The following CNGB3 variants were observed in gnomAD, a reference collection of about 807,000 sequenced individuals.
CNGB3 encodes cyclic nucleotide gated channel subunit beta 3.
CNGB3 carries 86 observed loss-of-function variants against 92.8 expected under a neutral mutation model. The ratio of observed to expected loss-of-function variants is 0.93; its 90% CI spans 0.78 to 1.11. CNGB3 has a LOEUF of 1.11. Among genes scored for constraint, CNGB3 ranks in the 50% least tolerant of loss-of-function variants. The probability of loss-of-function intolerance (pLI) is 0.00; values close to 1 mark genes in which losing one functional copy is unlikely to be tolerated. For synonymous variants in CNGB3, 333 were observed against 332.7 expected, an observed-to-expected ratio of 1.00 and a Z score of -0.01; for missense variants, 1,026 against 956.8, an observed-to-expected ratio of 1.07 and a Z score of -0.95.
At chr8:86,695,148 C>G (rs1477563351) in intron 3 of CNGB3, among the ~76,000 whole-genome samples, 1 of 90,968 alleles carries the variant, frequency 1.1e-5, no homozygotes, top group African/African-American at 5.1e-5. Flanking sequence ...AATACGAAAA[C>G]CAGTCAGGCG....
intron 14 of CNGB3, among the ~76,000 whole-genome samples, chr8:86,605,662 G>A (rs1485843330): frequency 6.6e-6 from 1 of 152,144 alleles, no homozygotes; most frequent in South Asian, 2.1e-4. Context: ...ATTGATTGTA[G>A]TTTACTCTCT....
At chr8:86,718,216 G>C (rs1824900960) in intron 3 of CNGB3, among the ~76,000 whole-genome samples, 2 of 151,876 alleles carry the variant, frequency 1.3e-5, no homozygotes, top group South Asian at 2.1e-4. Context: ...ATACAAAAGA[G>C]ATGACACAAA....
At chr8:86,649,918 G>C (rs1158561077) in intron 7 of CNGB3, among the ~76,000 whole-genome samples, 1 of 151,634 alleles carries the variant, frequency 6.6e-6, no homozygotes, top group East Asian at 1.9e-4. Flanking sequence ...CTAGTATCCA[G>C]AATCTACAAG....
intron 3 of CNGB3, among the ~76,000 whole-genome samples, chr8:86,694,633 G>A (rs1196865329): frequency 8.6e-5 from 13 of 151,766 alleles, no homozygotes; most frequent in Admixed American, 1.3e-4. Context: ...GGTCGCGGCC[G>A]GGCAGAGGCA....
At chr8:86,711,269 A>G (rs1265150248) in intron 3 of CNGB3, among the ~76,000 whole-genome samples, 2 of 152,018 alleles carry the variant, frequency 1.3e-5, no homozygotes, top group Non-Finnish European at 2.9e-5. Flanking sequence ...AATATCCCCA[A>G]TGTGCTTTAT....
intron 17 of CNGB3, among the ~76,000 whole-genome samples, chr8:86,576,876 A>C (rs1157291358): frequency 6.6e-6 from 1 of 152,244 alleles, no homozygotes; most frequent in East Asian, 1.9e-4. Flanking sequence ...CATTTGGTTT[A>C]TACTGGATCC....
At chr8:86,647,429 A>G (rs1474402128) in intron 8 of CNGB3, among the ~76,000 whole-genome samples, 1 of 150,780 alleles carries the variant, frequency 6.6e-6, no homozygotes, top group Non-Finnish European at 1.5e-5. Flanking sequence ...TAACCCCTTA[A>G]TTTTACATCC....
chr8:86,726,546 T>C lies in CNGB3; in HGVS notation c.323A>G (p.Lys108Arg). The change falls in exon 3 of 18, where the codon AAA becomes AGA. Residue 108 changes from lysine to arginine, a missense_variant. Physicochemically the swap from Lys to Arg is conservative, Grantham distance 26 (BLOSUM62 2). Transcript: ENST00000320005. ...VPEQKEMDPG[K>R]EGPNSPQNKP... The stretch of plus-strand genomic sequence containing the variant: ...AAATGCTCACCTGTTTGGACCTTCT[T>C]TCCCGGGGTCCATTTCCTTCTGCTC... 6.2e-7 allele frequency: 1 copy of C among 1,613,850 alleles called. No individual in the cohort carries two copies. The highest frequency in any genetic ancestry group is 8.5e-7 in the Non-Finnish European group (1 of 1,179,752).
chr8:86,609,405 C>A (rs1022100281), intron 14 of CNGB3, among the ~76,000 whole-genome samples: 1 of 152,174 alleles, frequency 6.6e-6, no homozygotes, highest in Admixed American at 6.5e-5. Context: ...TTAACTTGGA[C>A]TAATTTGTGT....
intron 3 of CNGB3, among the ~76,000 whole-genome samples, chr8:86,672,084 A>G (rs1435779700): frequency 2.6e-5 from 4 of 152,134 alleles, no homozygotes; most frequent in African/African-American, 7.2e-5. Context: ...CTGTGCTTCA[A>G]TGAACTTCCT....
intron 3 of CNGB3, among the ~76,000 whole-genome samples, chr8:86,710,659 A>G (rs1824733346): frequency 6.6e-6 from 1 of 152,166 alleles, no homozygotes; most frequent in African/African-American, 2.4e-5. Context: ...GGCTACAAAA[A>G]CATTCTATTA....
Position 86,662,001 on chromosome 8 carries a change from G to A in CNGB3, c.852+4924C>T, listed in dbSNP as rs148819268. On this transcript the variant is annotated intron_variant, in intron 6 of 17. Transcript: ENST00000320005. ...GTGGTGTCTTGTCCACAGGAGATTCGGCAATGTGTAAATATTCAGGAGACT... is the reference window on the plus strand; with the variant it reads ...GTGGTGTCTTGTCCACAGGAGATTCAGCAATGTGTAAATATTCAGGAGACT... 638 of 411,772 alleles carry A rather than the reference G, an allele frequency of 1.5e-3. 2 individuals are homozygous for A. Among genetic ancestry groups the A allele is most frequent in the African/African-American group, 0.012 (588 of 49,012 alleles). 25.5% of individuals were successfully genotyped at this position (411,772 alleles called of 1,614,324 possible). A position where few individuals can be genotyped will look rare whatever the true frequency, so the allele number is the denominator to read the frequency against.
intron 14 of CNGB3, among the ~76,000 whole-genome samples, chr8:86,608,223 C>G (rs1822448948): frequency 6.6e-6 from 1 of 152,218 alleles, no homozygotes; most frequent in Non-Finnish European, 1.5e-5. Flanking sequence ...GCTCTATAAT[C>G]ATAACCTAGG....
intron 3 of CNGB3, among the ~76,000 whole-genome samples, chr8:86,723,589 G>T (rs1003840847): frequency 4.6e-5 from 7 of 152,080 alleles, no homozygotes; most frequent in Non-Finnish European, 8.8e-5. Context: ...CCATGAGATT[G>T]GAACAGAAAG....
chr8:86,677,845 T>C (rs1824005464), intron 3 of CNGB3, among the ~76,000 whole-genome samples: 2 of 152,212 alleles, frequency 1.3e-5, no homozygotes, highest in Non-Finnish European at 2.9e-5. Flanking sequence ...TCCCCATTTG[T>C]CTTAACAAGT....
intron 3 of CNGB3, among the ~76,000 whole-genome samples, chr8:86,716,404 C>T (rs937503455): frequency 1.3e-5 from 2 of 152,150 alleles, no homozygotes; most frequent in African/African-American, 4.8e-5. Context: ...AAAATATCAT[C>T]GCCTAGCACA....
At chr8:86,596,788 A>G (rs1273016989) in intron 15 of CNGB3, among the ~76,000 whole-genome samples, 2 of 152,198 alleles carry the variant, frequency 1.3e-5, no homozygotes, top group Non-Finnish European at 2.9e-5. Context: ...AATGTCCATC[A>G]ATAATAGACT....
At chr8:86,684,245 G>A (rs1454424022) in intron 3 of CNGB3, among the ~76,000 whole-genome samples, 2 of 152,072 alleles carry the variant, frequency 1.3e-5, no homozygotes, top group African/African-American at 4.8e-5. Flanking sequence ...AAATGAAAAG[G>A]TGTCTCGCAT....
intron 2 of CNGB3, among the ~76,000 whole-genome samples, chr8:86,730,155 T>C (rs1042180166): frequency 9.9e-5 from 15 of 152,196 alleles, no homozygotes; most frequent in African/African-American, 3.6e-4. Flanking sequence ...ATACTTCCAA[T>C]CTCCTTGGCC....
Sources: allele counts gnomAD v4.1 joint callset (sites outside exome capture counted in the v4.1 genomes callset), GRCh38; gene constraint gnomAD v4.1.1; transcripts MANE v1.5; gene names NCBI Gene and HGNC (gene_info 2026-07-23, HGNC 2026-07-21).